The following PPP1R16A variants were observed in gnomAD, a reference collection of about 807,000 sequenced individuals.
The protein encoded by PPP1R16A is myosin phosphatase-targeting subunit 3.
Under a neutral mutation model 46.6 loss-of-function variants are expected in PPP1R16A, and 39 were observed. That is an observed-to-expected ratio of 0.84 (90% CI 0.65 to 1.09). The LOEUF is 1.09. Ranked by LOEUF, PPP1R16A falls within the 50% of genes least tolerant of loss-of-function variation. The pLI is 0.00. For synonymous variants in PPP1R16A, 413 were observed against 321.5 expected, an observed-to-expected ratio of 1.28 and a Z score of -3.04; for missense variants, 798 against 735.6, an observed-to-expected ratio of 1.08 and a Z score of -0.98.
intron 2 of PPP1R16A, among the ~76,000 whole-genome samples, chr8:144,490,909 A>G (rs1825787764): frequency 6.6e-6 from 1 of 151,880 alleles, no homozygotes; most frequent in Non-Finnish European, 1.5e-5. Context: ...AAAGACAATA[A>G]CAAATTAGCC....
Position 144,500,082 on chromosome 8 carries a change from C to A in PPP1R16A, c.477-14C>A. On this transcript the variant is annotated splice_polypyrimidine_tract_variant and intron_variant, in intron 5 of 11. Transcript: ENST00000435887. Reference sequence around the variant, plus strand: ...AGGGCCTTGTGCCCAGCACCCCGTCCGTCTTCCCTGCAGTGGCGCCAATCT... The same window carrying A: ...AGGGCCTTGTGCCCAGCACCCCGTCAGTCTTCCCTGCAGTGGCGCCAATCT... 1 of 1,598,688 alleles carries A rather than the reference C, an allele frequency of 6.3e-7. No individual in the cohort carries two copies. The highest frequency in any genetic ancestry group is 8.5e-7 in the Non-Finnish European group (1 of 1,172,998).
At chr8:144,501,083 C>A in intron 10 of PPP1R16A, 46 bp from the exon 11 acceptor site, 1 of 1,590,006 alleles carries the variant, frequency 6.3e-7, no homozygotes, top group Non-Finnish European at 8.5e-7. Flanking sequence ...GCGGGGTCCT[C>A]CGGGCACTCC....
chr8:144,483,349 T>G (rs62530440), intron 1 of PPP1R16A, among the ~76,000 whole-genome samples: 1 of 152,228 alleles, frequency 6.6e-6, no homozygotes, highest in South Asian at 2.1e-4. Flanking sequence ...CTTCATCACG[T>G]GAATTTTTTG....
At chr8:144,480,228 A>C (rs1180461103) in intron 1 of PPP1R16A, among the ~76,000 whole-genome samples, 1 of 152,238 alleles carries the variant, frequency 6.6e-6, no homozygotes, top group African/African-American at 2.4e-5. Context: ...GTAGCACCAA[A>C]TAAATGTGCT....
chr8:144,482,628 C>T (rs1825477128), intron 1 of PPP1R16A, among the ~76,000 whole-genome samples: 1 of 150,120 alleles, frequency 6.7e-6, no homozygotes, highest in Non-Finnish European at 1.5e-5. Context: ...GCTGGGACTA[C>T]AGGCACATGC....
At chr8:144,487,129 A>G (rs908545766) in intron 1 of PPP1R16A, among the ~76,000 whole-genome samples, 1 of 152,080 alleles carries the variant, frequency 6.6e-6, no homozygotes, top group African/African-American at 2.4e-5. Context: ...CTGGGACTAC[A>G]GGTGTGTGGC....
Position 144,496,865 on chromosome 8 carries a change from C to T in PPP1R16A, c.-330C>T, listed in dbSNP as rs776715010. ...TTTCAGACCCTGCACTGAGGCCGGC[C>T]AGGTCTCGGGGCTGCCTCCCATAGG... On this transcript the variant is annotated 5_prime_UTR_variant, in exon 3 of 12. Transcript: ENST00000435887. 1.5e-5 allele frequency: 7 copies of T among 463,170 alleles called. No homozygotes were observed. The highest frequency in any genetic ancestry group is 2.8e-5 in the Non-Finnish European group (7 of 251,056). The allele number at this position is 463,170 out of a possible 1,614,324, so 28.7% of individuals were successfully genotyped here.
chr8:144,499,913 C>T, intron 5 of PPP1R16A, 183 bp from the exon 6 acceptor site: 1 of 612,426 alleles, frequency 1.6e-6, no homozygotes, highest in South Asian at 2.0e-5. Flanking sequence ...GCCTGTCTGG[C>T]TTAATGACAG....
At chr8:144,482,261 C>T (rs752301589) in intron 1 of PPP1R16A, among the ~76,000 whole-genome samples, 6 of 151,962 alleles carry the variant, frequency 3.9e-5, no homozygotes, top group Non-Finnish European at 7.4e-5. Context: ...TTAGTAGAGA[C>T]GGGGTTTCTC....
chr8:144,499,202 A>G (rs1826266088), intron 5 of PPP1R16A, 141 bp downstream of exon 5: 2 of 1,138,446 alleles, frequency 1.8e-6, no homozygotes, highest in African/African-American at 1.6e-5. Context: ...GTGTCCTGGC[A>G]TGGAGAGCAG....
intron 5 of PPP1R16A, 141 bp downstream of exon 5, chr8:144,499,202 A>C: frequency 1.8e-6 from 2 of 1,138,564 alleles, no homozygotes; most frequent in Non-Finnish European, 2.4e-6. Flanking sequence ...GTGTCCTGGC[A>C]TGGAGAGCAG....
At position 144,500,981 on chromosome 8, in the gene PPP1R16A, G is replaced by A. The variant is rs536732113; in HGVS notation, c.1037+10G>A. ...GCGCCGGCAGCCGCGGGTGAGCGCCGCCCCCAGCAGGCCCCGCCCCGGGCT... is the reference window on the plus strand; with the variant it reads ...GCGCCGGCAGCCGCGGGTGAGCGCCACCCCCAGCAGGCCCCGCCCCGGGCT... On this transcript the variant is annotated intron_variant, in intron 10 of 11. Coordinates refer to ENST00000435887, the MANE Select transcript of PPP1R16A (RefSeq NM_001329443.2). The A allele has an allele frequency of 7.7e-6, 11 of 1,437,444 alleles. No homozygotes were observed. The highest frequency in any genetic ancestry group is 5.7e-5 in the East Asian group (2 of 35,254). 89.0% of individuals were successfully genotyped at this position (1,437,444 alleles called of 1,614,324 possible).
chr8:144,492,141 G>A (rs553436309), intron 2 of PPP1R16A, among the ~76,000 whole-genome samples: 15 of 152,234 alleles, frequency 9.9e-5, no homozygotes, highest in East Asian at 5.8e-4. Flanking sequence ...CGTCACTGCC[G>A]GGGCTCCCGT....
chr8:144,482,105 T>G (rs1440628360), intron 1 of PPP1R16A, among the ~76,000 whole-genome samples: 1 of 151,938 alleles, frequency 6.6e-6, no homozygotes, highest in Non-Finnish European at 1.5e-5. Flanking sequence ...CCTTTTTTTT[T>G]GAGATGGAGT....
chr8:144,480,610 C>T (rs1825372070), intron 1 of PPP1R16A, among the ~76,000 whole-genome samples: 1 of 152,192 alleles, frequency 6.6e-6, no homozygotes, highest in African/African-American at 2.4e-5. Flanking sequence ...CCTCAGCCTC[C>T]CAAGTAGCTG....
At chr8:144,497,635 C>A in intron 3 of PPP1R16A, 182 bp downstream of exon 3, 1 of 816,720 alleles carries the variant, frequency 1.2e-6, no homozygotes, top group Non-Finnish European at 2.0e-6. Flanking sequence ...AAGCCCCAAG[C>A]AGTGGGCAGC....
intron 5 of PPP1R16A, chr8:144,499,711 G>A: frequency 1.3e-5 from 3 of 231,138 alleles, no homozygotes; most frequent in East Asian, 1.1e-4. Context: ...CCCCTTCACC[G>A]CCCTTCTTCC....
chr8:144,492,169 C>T (rs1156840504), intron 2 of PPP1R16A, among the ~76,000 whole-genome samples: 1 of 152,156 alleles, frequency 6.6e-6, no homozygotes, highest in Non-Finnish European at 1.5e-5. Context: ...GCCCAGATGC[C>T]ACCCGCTGCA....
At chr8:144,490,973 C>A (rs372404745) in intron 2 of PPP1R16A, among the ~76,000 whole-genome samples, 3 of 151,496 alleles carry the variant, frequency 2.0e-5, no homozygotes, top group African/African-American at 7.3e-5. Context: ...GTGGGAGGAT[C>A]GCTGGACCCC....
Sources: allele counts gnomAD v4.1 joint callset (sites outside exome capture counted in the v4.1 genomes callset), GRCh38; gene constraint gnomAD v4.1.1; transcripts MANE v1.5; gene names NCBI Gene and HGNC (gene_info 2026-07-23, HGNC 2026-07-21).